Variants in ABR observed in about 807,000 individuals in gnomAD.
ABR encodes ABR activator of RhoGEF and GTPase.
ABR carries 35 observed loss-of-function variants against 107.2 expected under a neutral mutation model. That is an observed-to-expected ratio of 0.33 (90% CI 0.25 to 0.43). ABR has a LOEUF of 0.43. Among genes scored for constraint, ABR ranks in the 20% least tolerant of loss-of-function variants. The probability of loss-of-function intolerance (pLI) is 1.00; values close to 1 mark genes in which losing one functional copy is unlikely to be tolerated. For synonymous variants in ABR, 498 were observed against 462.0 expected (o/e 1.08, Z -1.00); for missense variants, 815 against 1,115.2 (o/e 0.73, Z 3.83).
intron 9 of ABR, among the ~76,000 whole-genome samples, chr17:1,068,728 G>T (rs185673841): frequency 6.6e-6 from 1 of 152,254 alleles, no homozygotes; most frequent in East Asian, 1.9e-4. Context: ...CCACCCTCCC[G>T]GGTAGAGAGA....
At position 1,070,933 on chromosome 17, in the gene ABR, C is replaced by T. The variant is rs1010976623; in HGVS notation, c.895-843G>A. On this transcript the variant is annotated intron_variant, in intron 8 of 22. Transcript: ENST00000302538. This position sits in a 1 kb window ranked among gnomAD's most constrained non-coding sequence, Gnocchi z 4.2. ...ATCCCAGCAATTTGGGAGGCTGAGG[C>T]GGGTGGATCACCTGAGGTCAGGAGT... Among the ~76,000 whole-genome samples the T allele has an allele frequency of 2.6e-5, 4 of 152,122 alleles. No individual in the cohort carries two copies. Among genetic ancestry groups the T allele is most frequent in the Middle Eastern group, 3.2e-3 (1 of 316 alleles).
At chr17:1,087,352 G>A (rs1221761332) in intron 4 of ABR, among the ~76,000 whole-genome samples, 1 of 152,172 alleles carries the variant, frequency 6.6e-6, no homozygotes, top group Non-Finnish European at 1.5e-5. Context: ...CATCGGCTGA[G>A]CCTGGAGCCT....
chr17:1,057,306 GTTT>G lies in ABR; in HGVS notation c.1382-207_1382-205del, dbSNP rs1567668700. On this transcript the variant is annotated intron_variant, in intron 12 of 22. Transcript: ENST00000302538. ...AGAGTAGGAGAATCTAACTGAAGAGGTTTGTGTGTGTGTGTGTGTGTGTGTGTG... is the reference window on the plus strand; with the variant it reads ...AGAGTAGGAGAATCTAACTGAAGAGGGTGTGTGTGTGTGTGTGTGTGTGTG... Among the ~76,000 whole-genome samples the G allele has an allele frequency of 1.1e-3, 18 of 16,212 alleles. No homozygotes were observed. In the East Asian group the frequency reaches 0.017, roughly 16 times the overall value. 10.6% of individuals were successfully genotyped at this position (16,212 alleles called of 152,430 possible).
At chr17:1,061,144 G>A (rs2033877644) in intron 10 of ABR, among the ~76,000 whole-genome samples, 1 of 152,216 alleles carries the variant, frequency 6.6e-6, no homozygotes, top group African/African-American at 2.4e-5. Context: ...GGATATACAT[G>A]AGGCACCCGG....
chr17:1,095,471 C>A (rs1406639003), intron 3 of ABR, among the ~76,000 whole-genome samples: 2 of 152,166 alleles, frequency 1.3e-5, no homozygotes, highest in African/African-American at 4.8e-5. Flanking sequence ...TGAAGTCCTG[C>A]GTATGGGCTC....
At position 1,003,606 on chromosome 17, in the gene ABR, A is replaced by C. The variant is rs555149551; in HGVS notation, c.*2474T>G. ...ACATCAATTTATAATAATCTACATAAGTTGAAACAGAACATAGACAAAAAA... is the reference window on the plus strand; with the variant it reads ...ACATCAATTTATAATAATCTACATACGTTGAAACAGAACATAGACAAAAAA... On this transcript the variant is annotated 3_prime_UTR_variant, in exon 23 of 23. Coordinates refer to ENST00000302538, the MANE Select transcript of ABR (RefSeq NM_021962.5). The C allele has an allele frequency of 1.3e-5, 2 of 152,724 alleles. No homozygotes were observed. Among genetic ancestry groups the C allele is most frequent in the Admixed American group, 1.3e-4 (2 of 15,310 alleles). 9.5% of individuals were successfully genotyped at this position (152,724 alleles called of 1,614,324 possible). A position where few individuals can be genotyped will look rare whatever the true frequency, so the allele number is the denominator to read the frequency against.
intron 1 of ABR, among the ~76,000 whole-genome samples, chr17:1,208,498 G>T (rs1292091874): frequency 6.6e-6 from 1 of 152,208 alleles, no homozygotes; most frequent in Non-Finnish European, 1.5e-5. Context: ...TGGCAGAGAA[G>T]TCCTTGCTAC....
chr17:1,039,118 G>A (rs1290339732), intron 16 of ABR, among the ~76,000 whole-genome samples: 4 of 152,122 alleles, frequency 2.6e-5, no homozygotes, highest in South Asian at 2.1e-4. Context: ...TTGGTCTGTC[G>A]GGAGGCTGGA....
chr17:1,145,541 C>G (rs1366233061), intron 1 of ABR, among the ~76,000 whole-genome samples: 1 of 152,256 alleles, frequency 6.6e-6, no homozygotes, highest in Non-Finnish European at 1.5e-5. Context: ...TCCAACGGTG[C>G]TCACCACCTG....
chr17:1,198,802 AT>A (rs538633476), intron 1 of ABR, among the ~76,000 whole-genome samples: 10,326 of 116,080 alleles, frequency 0.089, 1,044 homozygotes, highest in African/African-American at 0.25. Context: ...CACCTGGCAA[AT>A]TTTTTTTTTT....
At chr17:1,193,304 C>T (rs543104884) in intron 1 of ABR, among the ~76,000 whole-genome samples, 156 of 150,416 alleles carry the variant, frequency 1.0e-3, no homozygotes, top group Non-Finnish European at 1.8e-3. Flanking sequence ...ATTCAGGACT[C>T]CCCCGCTCTC....
intron 1 of ABR, among the ~76,000 whole-genome samples, chr17:1,203,627 G>T (rs1461597036): frequency 6.6e-6 from 1 of 152,090 alleles, no homozygotes; most frequent in Non-Finnish European, 1.5e-5. Context: ...CGCCGCCGCT[G>T]CGAGGAGCCC....
intron 16 of ABR, among the ~76,000 whole-genome samples, chr17:1,045,391 AGG>A (rs1167878660): frequency 2.4e-4 from 30 of 125,882 alleles, no homozygotes; most frequent in African/African-American, 7.6e-4. Flanking sequence ...TTCTTACAGC[AGG>A]ACAATCTTCC....
upstream of ABR, among the ~76,000 whole-genome samples, chr17:1,191,748 T>G (rs1367761315): frequency 6.6e-6 from 1 of 152,102 alleles, no homozygotes; most frequent in African/African-American, 2.4e-5. Context: ...GAGGGTAACA[T>G]AGAAACGAGG....
chr17:1,167,649 T>C (rs990157254), intron 1 of ABR, among the ~76,000 whole-genome samples: 1 of 152,136 alleles, frequency 6.6e-6, no homozygotes, highest in African/African-American at 2.4e-5. Context: ...TGGGAAGTCT[T>C]GGGGAAGCAT....
intron 3 of ABR, among the ~76,000 whole-genome samples, chr17:1,093,429 A>T (rs1393637919): frequency 6.6e-6 from 1 of 152,120 alleles, no homozygotes; most frequent in Non-Finnish European, 1.5e-5. Flanking sequence ...AGATTGCGCC[A>T]CTGCACTCCA....
intron 1 of ABR, among the ~76,000 whole-genome samples, chr17:1,194,067 T>C (rs548807240): frequency 6.6e-6 from 1 of 152,298 alleles, no homozygotes; most frequent in South Asian, 2.1e-4. Flanking sequence ...TTCCATCCTC[T>C]TTCTCCTCTA....
At chr17:1,102,282 C>A (rs373522310) in intron 2 of ABR, among the ~76,000 whole-genome samples, 4 of 152,132 alleles carry the variant, frequency 2.6e-5, no homozygotes, top group Admixed American at 6.5e-5. Context: ...GGCATCGTGG[C>A]CACAGAAGGG....
chr17:1,147,629 G>A (rs1211350395), intron 1 of ABR, among the ~76,000 whole-genome samples: 2 of 152,048 alleles, frequency 1.3e-5, no homozygotes, highest in African/African-American at 2.4e-5. Flanking sequence ...CCAAAGTGCC[G>A]GGATTAGTGT....
Sources: gnomAD v4.1 joint callset for allele counts (sites outside exome capture counted in the v4.1 genomes callset) on GRCh38, gnomAD v4.1.1 for gene constraint, Gnocchi (gnomAD v3.1) non-coding constraint, MANE v1.5 for transcripts, NCBI Gene and HGNC (gene_info 2026-07-23, HGNC 2026-07-21) for gene names.